CACNA2D3: variants seen among roughly 807,000 people sequenced by gnomAD.
CACNA2D3 encodes calcium voltage-gated channel auxiliary subunit alpha2delta 3.
A neutral mutation model predicts 160.6 loss-of-function variants in CACNA2D3; 60 were observed. The observed-to-expected ratio is 0.37, with a 90% CI of 0.30 to 0.46. CACNA2D3 has a LOEUF of 0.46. CACNA2D3 is among the 20% of genes least tolerant of loss of function. The pLI is 1.00. For synonymous variants in CACNA2D3, 558 were observed against 492.9 expected, an observed-to-expected ratio of 1.13 and a Z score of -1.75; for missense variants, 1,205 against 1,365.0, an observed-to-expected ratio of 0.88 and a Z score of 1.85.
intron 9 of CACNA2D3, among the ~76,000 whole-genome samples, chr3:54,622,809 A>T (rs1411920835): frequency 6.6e-6 from 1 of 151,872 alleles, no homozygotes; most frequent in Non-Finnish European, 1.5e-5. Flanking sequence ...GTTAGGATTG[A>T]TCATCAGCAA....
At chr3:54,659,941 G>C (rs1244919720) in intron 11 of CACNA2D3, among the ~76,000 whole-genome samples, 1 of 152,084 alleles carries the variant, frequency 6.6e-6, no homozygotes, top group African/African-American at 2.4e-5. Context: ...CATGGTGTCT[G>C]CATCCTCCCT....
At chr3:54,531,269 G>C (rs967039376) in intron 5 of CACNA2D3, among the ~76,000 whole-genome samples, 2 of 152,200 alleles carry the variant, frequency 1.3e-5, no homozygotes, top group Middle Eastern at 3.2e-3. Flanking sequence ...ACACCTGTTG[G>C]GGATAAACTT....
intron 35 of CACNA2D3, among the ~76,000 whole-genome samples, chr3:55,031,413 C>G (rs915705822): frequency 5.9e-5 from 9 of 152,150 alleles, no homozygotes; most frequent in African/African-American, 1.2e-4. Context: ...AAAAACCCAT[C>G]TGATGTATTA....
intron 2 of CACNA2D3, among the ~76,000 whole-genome samples, chr3:54,289,551 A>G (rs2107474603): frequency 6.6e-6 from 1 of 152,254 alleles, no homozygotes. Flanking sequence ...GAATTGGAAA[A>G]AACTACTTTA....
intron 2 of CACNA2D3, among the ~76,000 whole-genome samples, chr3:54,232,070 C>T (rs1358023494): frequency 6.6e-6 from 1 of 152,236 alleles, no homozygotes; most frequent in Non-Finnish European, 1.5e-5. Context: ...GGGGCGGCCC[C>T]AGCTGTGTAA....
At chr3:54,728,478 A>G (rs1400431486) in intron 11 of CACNA2D3, among the ~76,000 whole-genome samples, 4 of 151,946 alleles carry the variant, frequency 2.6e-5, no homozygotes, top group African/African-American at 7.3e-5. Flanking sequence ...GATCATGGTT[A>G]TTTTAGAGTC....
chr3:54,597,731 C>T (rs1277308347), intron 9 of CACNA2D3, among the ~76,000 whole-genome samples: 1 of 152,032 alleles, frequency 6.6e-6, no homozygotes, highest in African/African-American at 2.4e-5. Context: ...ACCCTAGATC[C>T]CGAGTTGTCT....
chr3:54,203,095 A>C (rs1470722542), intron 2 of CACNA2D3, among the ~76,000 whole-genome samples: 3 of 152,164 alleles, frequency 2.0e-5, no homozygotes, highest in African/African-American at 7.2e-5. Context: ...GATAAGCATT[A>C]TTTCTGCATG....
intron 3 of CACNA2D3, among the ~76,000 whole-genome samples, chr3:54,354,102 A>G (rs1698609267): frequency 6.6e-6 from 1 of 152,132 alleles, no homozygotes; most frequent in African/African-American, 2.4e-5. Context: ...TCAACTTCTC[A>G]CATGAATCTC....
chr3:54,165,531 A>G (rs1042348450), intron 2 of CACNA2D3, among the ~76,000 whole-genome samples: 11 of 151,810 alleles, frequency 7.2e-5, no homozygotes, highest in African/African-American at 2.7e-4. Flanking sequence ...GTTTCTAACA[A>G]ATGAAGAAAC....
intron 27 of CACNA2D3, chr3:54,918,925 AGCCTTGATACAACAGAGTTCCAAAATC>A: frequency 6.7e-7 from 1 of 1,500,652 alleles, no homozygotes; most frequent in Non-Finnish European, 8.9e-7. Context: ...ACAATAACAA[AGCCTTGATACAACAGAGTTCCAAAATC>A]CTCTGCCTGC....
chr3:54,560,132 C>G (rs200420488), intron 5 of CACNA2D3, among the ~76,000 whole-genome samples: 2 of 152,314 alleles, frequency 1.3e-5, no homozygotes, highest in East Asian at 3.9e-4. Flanking sequence ...AATGGTATTT[C>G]TGTCTTTAGG....
rs1432434567 is a variant in CACNA2D3, at chr3:54,736,095, ATATACATATATATG to A, written c.1168-16499_1168-16486del. On this transcript the variant is annotated intron_variant, in intron 11 of 37. Transcript: ENST00000474759. ...TATACATATATATGTATGTGTATAT[ATATACATATATATG>A]TATATATATACATATATATATGTAT... 9.6e-4 allele frequency among the ~76,000 whole-genome samples: 15 copies of A among 15,576 alleles called. 1 individual carries two copies. The highest frequency in any genetic ancestry group is 2.3e-3 in the Non-Finnish European group (14 of 6,012). The allele number at this position is 15,576 out of a possible 152,430, so 10.2% of individuals were successfully genotyped here.
Position 55,034,184 on chromosome 3 carries a change from A to C in CACNA2D3, c.2987+15867A>C, listed in dbSNP as rs1235430837. Among the ~76,000 whole-genome samples the C allele has an allele frequency of 2.0e-5, 3 of 151,976 alleles. No homozygotes were observed. In the South Asian group the frequency reaches 6.2e-4, roughly 31 times the overall value. ...AACTCTTCTTCTACCAATTTATGAG[A>C]ATGTTAGTTATATTCATACCAACAC... On this transcript the variant is annotated intron_variant, in intron 35 of 37. Coordinates refer to ENST00000474759, the MANE Select transcript of CACNA2D3 (RefSeq NM_018398.3).
intron 4 of CACNA2D3, among the ~76,000 whole-genome samples, chr3:54,477,875 T>A (rs1277538936): frequency 6.6e-6 from 1 of 152,190 alleles, no homozygotes; most frequent in Non-Finnish European, 1.5e-5. Context: ...CTTGATCATT[T>A]ATGGGTGGTA....
intron 34 of CACNA2D3, among the ~76,000 whole-genome samples, chr3:55,011,973 G>C (rs1431357586): frequency 6.6e-6 from 1 of 152,190 alleles, no homozygotes; most frequent in Non-Finnish European, 1.5e-5. Flanking sequence ...AGGAAAATGA[G>C]TTGCAAGTTG....
chr3:54,459,251 T>C (rs923194463), intron 4 of CACNA2D3, among the ~76,000 whole-genome samples: 2 of 151,440 alleles, frequency 1.3e-5, no homozygotes, highest in African/African-American at 4.9e-5. Flanking sequence ...TGTGTCTTTA[T>C]AGCAGCATGA....
intron 3 of CACNA2D3, among the ~76,000 whole-genome samples, chr3:54,354,297 G>A (rs1205136878): frequency 6.6e-6 from 1 of 152,172 alleles, no homozygotes; most frequent in African/African-American, 2.4e-5. Context: ...TTGTTTTAAG[G>A]ACAGCCCAGG....
intron 2 of CACNA2D3, among the ~76,000 whole-genome samples, chr3:54,176,769 T>G (rs1291089742): frequency 1.3e-5 from 2 of 152,216 alleles, no homozygotes; most frequent in Admixed American, 6.5e-5. Flanking sequence ...ATTTTTTTTT[T>G]GTTAACCTTG....
Sources: allele counts gnomAD v4.1 joint callset (sites outside exome capture counted in the v4.1 genomes callset), GRCh38; gene constraint gnomAD v4.1.1; transcripts MANE v1.5; gene names NCBI Gene and HGNC (gene_info 2026-07-23, HGNC 2026-07-21).